MBNL1: variants seen among roughly 807,000 people sequenced by gnomAD.
MBNL1 encodes muscleblind like splicing regulator 1.
MBNL1 carries 8 observed loss-of-function variants against 42.2 expected under a neutral mutation model. That is an observed-to-expected ratio of 0.19 (90% CI 0.11 to 0.34). MBNL1 has a LOEUF of 0.34. MBNL1 is among the 10% of genes least tolerant of loss of function. MBNL1 has a pLI of 1.00. For synonymous variants in MBNL1, 169 were observed against 173.9 expected (o/e 0.97, Z 0.22); for missense variants, 309 against 495.3 (o/e 0.62, Z 3.57).
intron 2 of MBNL1, among the ~76,000 whole-genome samples, chr3:152,403,156 T>G (rs1262716462): frequency 6.6e-6 from 1 of 151,588 alleles, no homozygotes; most frequent in African/African-American, 2.4e-5. Flanking sequence ...AAAAAAATCG[T>G]GTGACAACCT....
At chr3:152,302,455 A>G (rs1488387124) in intron 2 of MBNL1, 1 of 152,166 alleles carries the variant, frequency 6.6e-6, no homozygotes. Context: ...ACAATTTTGA[A>G]TATGTAATTA....
intron 2 of MBNL1, among the ~76,000 whole-genome samples, chr3:152,245,851 AATT>A (rs1369175120): frequency 1.3e-5 from 2 of 152,160 alleles, no homozygotes; most frequent in African/African-American, 4.8e-5. Context: ...ACTCGATGAA[AATT>A]TTAAAATTAA....
intron 2 of MBNL1, among the ~76,000 whole-genome samples, chr3:152,325,279 G>A (rs1269321756): frequency 2.6e-5 from 4 of 151,734 alleles, no homozygotes; most frequent in Non-Finnish European, 4.4e-5. Context: ...CTTTGCTTAT[G>A]TAGTTTGGAG....
rs1156992871 is a variant in MBNL1 at position 152,325,096 on chromosome 3, C to T, written c.174+24729C>T. ...GTAATGCCACATACCCGCCCCCCCC[C>T]GCCCGCTTTTTTTTCATTTGTTTTT... is the stretch of plus-strand genomic sequence containing the variant. On this transcript the variant is annotated intron_variant, in intron 2 of 9. Transcript: ENST00000324210. 4.1e-5 allele frequency among the ~76,000 whole-genome samples: 3 copies of T among 73,522 alleles called. 1 individual carries two copies. The highest frequency in any genetic ancestry group is 9.9e-5 in the Non-Finnish European group (3 of 30,450). 48.2% of individuals were successfully genotyped at this position (73,522 alleles called of 152,430 possible). A position where few individuals can be genotyped will look rare whatever the true frequency, so the allele number is the denominator to read the frequency against.
chr3:152,410,359 A>G (rs2098538678), intron 2 of MBNL1, among the ~76,000 whole-genome samples: 1 of 152,334 alleles, frequency 6.6e-6, no homozygotes, highest in Non-Finnish European at 1.5e-5. Context: ...AATGACTGTT[A>G]TTGGTCTCAT....
intron 2 of MBNL1, among the ~76,000 whole-genome samples, chr3:152,338,829 A>T (rs1340314460): frequency 6.6e-6 from 1 of 151,976 alleles, no homozygotes; most frequent in Admixed American, 6.6e-5. Context: ...TTTATTAAAA[A>T]CTCTTATAGG....
intron 2 of MBNL1, among the ~76,000 whole-genome samples, chr3:152,259,096 G>C (rs1231608227): frequency 6.6e-6 from 1 of 152,228 alleles, no homozygotes; most frequent in Non-Finnish European, 1.5e-5. Flanking sequence ...CATAAAGAGA[G>C]AGGTCCAAGA....
rs2153991898 is a variant in MBNL1, at chr3:152,465,333, A to G, written c.*2967A>G. 6.6e-6 allele frequency: 1 copy of G among 152,556 alleles called. No homozygotes were observed. Among genetic ancestry groups the G allele is most frequent in the South Asian group, 2.1e-4 (1 of 4,830 alleles). 9.5% of individuals were successfully genotyped at this position (152,556 alleles called of 1,614,324 possible). Reference sequence around the variant, plus strand: ...GACTTTCACAAAATTTAAATCATAAACAGGCAAACCAAACAGCACACTGTA... The same window carrying G: ...GACTTTCACAAAATTTAAATCATAAGCAGGCAAACCAAACAGCACACTGTA... On this transcript the variant is annotated 3_prime_UTR_variant, in exon 10 of 10. Transcript: ENST00000324210.
chr3:152,266,165 A>G, upstream of MBNL1: 1 of 152,198 alleles, frequency 6.6e-6, no homozygotes, highest in Non-Finnish European at 1.5e-5. Context: ...GACTCGAGTT[A>G]TAGATTGACC....
intron 1 of MBNL1, among the ~76,000 whole-genome samples, chr3:152,296,501 C>T (rs144098390): frequency 2.5e-4 from 38 of 152,154 alleles, no homozygotes; most frequent in East Asian, 1.9e-4. Flanking sequence ...ATATTCGTGA[C>T]GCATAATATT....
At chr3:152,295,469 A>G (rs574044213) in intron 1 of MBNL1, among the ~76,000 whole-genome samples, 5 of 152,328 alleles carry the variant, frequency 3.3e-5, no homozygotes, top group African/African-American at 1.2e-4. Context: ...TGTTGGGACC[A>G]CATCCTCCCA....
chr3:152,406,894 G>GA (rs1444131396), intron 2 of MBNL1, among the ~76,000 whole-genome samples: 1 of 152,104 alleles, frequency 6.6e-6, no homozygotes, highest in African/African-American at 2.4e-5. Flanking sequence ...ATGCACTGAT[G>GA]AAAAAATGTT....
intron 1 of MBNL1, among the ~76,000 whole-genome samples, chr3:152,291,448 T>C (rs1276466717): frequency 6.6e-6 from 1 of 152,228 alleles, no homozygotes; most frequent in African/African-American, 2.4e-5. Context: ...ATGAGTGACG[T>C]TTGATGCTGG....
At chr3:152,340,438 C>T (rs2092846574) in intron 2 of MBNL1, 2 of 1,438,784 alleles carry the variant, frequency 1.4e-6, no homozygotes, top group Non-Finnish European at 1.9e-6. Flanking sequence ...AGTTCAGTTC[C>T]ATTTTTTTTT....
rs1253395908 is a variant in MBNL1 at position 152,281,424 on chromosome 3, G to GT, written c.-790+12340dup. ...GTGAAGAAGATAAGATGTGGAAGAG[G>GT]TTTTTTTTAAGCATTATGGTCATGA... On this transcript the variant is annotated intron_variant, in intron 1 of 9. Transcript: ENST00000324210. Among the ~76,000 whole-genome samples the GT allele has an allele frequency of 2.6e-5, 4 of 151,796 alleles. No homozygotes were observed. The East Asian group carries it at 5.8e-4, about 22-fold the overall frequency.
At chr3:152,406,504 CT>C (rs1490410425) in intron 2 of MBNL1, among the ~76,000 whole-genome samples, 5 of 152,060 alleles carry the variant, frequency 3.3e-5, no homozygotes, top group African/African-American at 1.2e-4. Context: ...GATTTGTTGC[CT>C]TTTTCCCTTT....
intron 3 of MBNL1, among the ~76,000 whole-genome samples, chr3:152,422,853 T>C (rs1164734925): frequency 6.6e-6 from 1 of 152,108 alleles, no homozygotes; most frequent in African/African-American, 2.4e-5. Context: ...GACTACTAGG[T>C]AAATAATGAA....
rs966743792 is a variant in MBNL1 at position 152,351,032 on chromosome 3, A to T, written c.174+50665A>T. Among the ~76,000 whole-genome samples the T allele has an allele frequency of 5.3e-5, 8 of 152,224 alleles. No individual in the cohort carries two copies. The East Asian group carries it at 1.2e-3, about 22-fold the overall frequency. On this transcript the variant is annotated intron_variant, in intron 2 of 9. Transcript: ENST00000324210. ...GTGAACCTCAAAAGCTGTTTCCAAAACAAGTCCTCAATTTCTAATGAATGG... is the reference window on the plus strand; with the variant it reads ...GTGAACCTCAAAAGCTGTTTCCAAATCAAGTCCTCAATTTCTAATGAATGG...
intron 2 of MBNL1, among the ~76,000 whole-genome samples, chr3:152,306,073 G>A (rs947410291): frequency 1.3e-5 from 2 of 152,166 alleles, no homozygotes; most frequent in East Asian, 3.8e-4. Context: ...ATTCCTGAGG[G>A]CCTTGGCCAT....
Sources: allele counts gnomAD v4.1 joint callset (sites outside exome capture counted in the v4.1 genomes callset), GRCh38; gene constraint gnomAD v4.1.1; transcripts MANE v1.5; gene names NCBI Gene and HGNC (gene_info 2026-07-23, HGNC 2026-07-21).